ADGRL3: variants seen among roughly 807,000 people sequenced by gnomAD.
The protein encoded by ADGRL3 is adhesion G protein-coupled receptor L3, also known as calcium-independent alpha-latrotoxin receptor 3.
In ADGRL3, 62 loss-of-function variants were observed where a neutral mutation model predicts 153.5. The ratio of observed to expected loss-of-function variants is 0.40; its 90% CI spans 0.33 to 0.50. ADGRL3 has a LOEUF of 0.50. Ranked by LOEUF, ADGRL3 falls within the 20% of genes least tolerant of loss-of-function variation. The pLI, the probability that ADGRL3 is intolerant of heterozygous loss-of-function variation, is 0.47. For missense variants in ADGRL3, 1,641 were observed against 1,859.4 expected (o/e 0.88, Z 2.16); for synonymous variants, 710 against 672.5 (o/e 1.06, Z -0.86).
intron 2 of ADGRL3, among the ~76,000 whole-genome samples, chr4:61,400,349 C>T (rs757660915): frequency 1.5e-4 from 23 of 151,344 alleles, no homozygotes; most frequent in Non-Finnish European, 3.0e-4. Context: ...GTTGAACAAA[C>T]GAGTAAAATA....
chr4:61,898,627 T>A (rs2098645547), intron 11 of ADGRL3, among the ~76,000 whole-genome samples: 1 of 151,824 alleles, frequency 6.6e-6, no homozygotes, highest in Admixed American at 6.6e-5. Flanking sequence ...CTAATCTTTT[T>A]TTTTTTTTTG....
At chr4:62,002,556 G>GA (rs1178396249) in intron 21 of ADGRL3, among the ~76,000 whole-genome samples, 2 of 151,366 alleles carry the variant, frequency 1.3e-5, no homozygotes, top group East Asian at 1.9e-4. Flanking sequence ...GAATTCTCTA[G>GA]AAAAAATAAT....
intron 4 of ADGRL3, among the ~76,000 whole-genome samples, chr4:61,524,984 T>C (rs2098551321): frequency 6.6e-6 from 1 of 152,076 alleles, no homozygotes; most frequent in South Asian, 2.1e-4. Context: ...TTAATTCATA[T>C]ATTTCTTGTG....
At chr4:61,499,154 C>G (rs2098355147) in intron 3 of ADGRL3, among the ~76,000 whole-genome samples, 1 of 152,140 alleles carries the variant, frequency 6.6e-6, no homozygotes, top group Admixed American at 6.5e-5. Flanking sequence ...ACATGCATTG[C>G]ATTTTGCTGT....
At chr4:61,600,135 C>G (rs375500608) in intron 5 of ADGRL3, among the ~76,000 whole-genome samples, 2 of 151,634 alleles carry the variant, frequency 1.3e-5, no homozygotes, top group African/African-American at 4.8e-5. Context: ...TGATGAAACC[C>G]CTTCTCTACT....
At chr4:61,920,501 G>A (rs563599780) in intron 13 of ADGRL3, among the ~76,000 whole-genome samples, 35 of 152,202 alleles carry the variant, frequency 2.3e-4, no homozygotes, top group South Asian at 2.1e-4. Context: ...TCTAATATAC[G>A]AATCTTGTAT....
intron 8 of ADGRL3, among the ~76,000 whole-genome samples, chr4:61,771,003 A>T (rs2097078380): frequency 6.6e-6 from 1 of 152,192 alleles, no homozygotes; most frequent in Non-Finnish European, 1.5e-5. Context: ...AGCAGAATTT[A>T]TTAAGCAAAA....
At chr4:61,408,683 G>C in intron 2 of ADGRL3, among the ~76,000 whole-genome samples, 1 of 151,896 alleles carries the variant, frequency 6.6e-6, no homozygotes, top group East Asian at 1.9e-4. Context: ...GAGTACAAAA[G>C]AATCAGTAAT....
At chr4:61,252,897 T>C (rs186418963) in intron 1 of ADGRL3, among the ~76,000 whole-genome samples, 281 of 152,334 alleles carry the variant, frequency 1.8e-3, no homozygotes, top group African/African-American at 6.2e-3. Flanking sequence ...GGCTCATGTC[T>C]GAAAATGATT....
At position 62,073,795 on chromosome 4, in the gene ADGRL3, G is replaced by C. The variant is rs1308417866; in HGVS notation, c.*2887G>C. On this transcript the variant is annotated 3_prime_UTR_variant, in exon 27 of 27. Transcript: ENST00000683033. ...AGTTACTACCAAGCTCTTGCATCAAGAAAAAAGAGTGAGATTTTTGAACTC... is the reference window on the plus strand; with the variant it reads ...AGTTACTACCAAGCTCTTGCATCAACAAAAAAGAGTGAGATTTTTGAACTC... The C allele has an allele frequency of 6.6e-6, 1 of 151,880 alleles. No individual in the cohort carries two copies. Among genetic ancestry groups the C allele is most frequent in the East Asian group, 1.9e-4 (1 of 5,164 alleles). The allele number at this position is 151,880 out of a possible 1,614,324, so 9.4% of individuals were successfully genotyped here. A position where few individuals can be genotyped will look rare whatever the true frequency, so the allele number is the denominator to read the frequency against.
intron 2 of ADGRL3, among the ~76,000 whole-genome samples, chr4:61,494,082 GTT>G (rs200811187): frequency 5.9e-4 from 77 of 130,176 alleles, no homozygotes; most frequent in African/African-American, 1.9e-3. Flanking sequence ...ACTGTGTCCT[GTT>G]TTTTTTTTTT....
At chr4:61,846,896 G>A (rs1042277963) in intron 9 of ADGRL3, among the ~76,000 whole-genome samples, 4 of 151,290 alleles carry the variant, frequency 2.6e-5, no homozygotes, top group African/African-American at 9.8e-5. Flanking sequence ...GATCTCATAA[G>A]AACTCATCAT....
At chr4:61,765,975 T>C (rs2096973124) in intron 8 of ADGRL3, among the ~76,000 whole-genome samples, 1 of 152,140 alleles carries the variant, frequency 6.6e-6, no homozygotes, top group Admixed American at 6.5e-5. Context: ...AGAGGCGGGC[T>C]AGTGGCTTGT....
intron 8 of ADGRL3, among the ~76,000 whole-genome samples, chr4:61,760,764 A>G (rs1296041092): frequency 6.6e-6 from 1 of 152,214 alleles, no homozygotes; most frequent in Non-Finnish European, 1.5e-5. Flanking sequence ...TGGGAGCTCT[A>G]GACTGGAGCT....
chr4:61,712,927 A>G (rs1440311405), intron 6 of ADGRL3, among the ~76,000 whole-genome samples: 1 of 152,210 alleles, frequency 6.6e-6, no homozygotes, highest in Non-Finnish European at 1.5e-5. Flanking sequence ...AAAAATGACT[A>G]TTACATGCTT....
intron 1 of ADGRL3, among the ~76,000 whole-genome samples, chr4:61,304,232 T>C (rs995539349): frequency 6.6e-6 from 1 of 152,234 alleles, no homozygotes; most frequent in African/African-American, 2.4e-5. Context: ...GATTCAATCT[T>C]TGTTTCTCAT....
intron 8 of ADGRL3, among the ~76,000 whole-genome samples, chr4:61,744,135 T>C (rs1176178916): frequency 6.6e-6 from 1 of 152,042 alleles, no homozygotes; most frequent in African/African-American, 2.4e-5. Context: ...GAGATCAAAC[T>C]GCAAGGCAGC....
intron 17 of ADGRL3, among the ~76,000 whole-genome samples, chr4:61,974,052 C>T (rs1369185402): frequency 6.6e-6 from 1 of 152,116 alleles, no homozygotes; most frequent in Non-Finnish European, 1.5e-5. Context: ...ACTGCAACCT[C>T]CACCTCCCGG....
rs1006022488 is a variant in ADGRL3 at position 61,201,577 on chromosome 4, G to C, written c.-428G>C. The stretch of plus-strand genomic sequence containing the variant: ...TTTTTGTTGTTGTTTCCTTGACTGG[G>C]GTCTCCACCCTCCTGCTGCTTTCTC... On this transcript the variant is annotated 5_prime_UTR_variant, in exon 1 of 27. Transcript: ENST00000683033. 3.3e-5 allele frequency: 5 copies of C among 152,314 alleles called. No individual in the cohort carries two copies. The highest frequency in any genetic ancestry group is 1.5e-5 in the Non-Finnish European group (1 of 68,176). The allele number at this position is 152,314 out of a possible 1,614,324, so 9.4% of individuals were successfully genotyped here.
Sources: gnomAD v4.1 joint callset for allele counts (sites outside exome capture counted in the v4.1 genomes callset) on GRCh38, gnomAD v4.1.1 for gene constraint, MANE v1.5 for transcripts, NCBI Gene and HGNC (gene_info 2026-07-23, HGNC 2026-07-21) for gene names.